ALDH9A1: variants seen among roughly 807,000 people sequenced by gnomAD.
The protein encoded by ALDH9A1 is aldehyde dehydrogenase 9 family member A1, also known as 4-trimethylaminobutyraldehyde dehydrogenase.
Under a neutral mutation model 56.6 loss-of-function variants are expected in ALDH9A1, and 42 were observed. The ratio of observed to expected loss-of-function variants is 0.74; its 90% CI spans 0.58 to 0.96. The LOEUF (loss-of-function observed/expected upper bound fraction) is 0.96, where lower values mean the gene tolerates loss of function less well. ALDH9A1 is among the 40% of genes least tolerant of loss of function. The pLI is 0.00. For synonymous variants in ALDH9A1, 242 were observed against 236.0 expected (o/e 1.03, Z -0.23); for missense variants, 661 against 651.5 (o/e 1.01, Z -0.16).
chr1:165,695,844 TTTTTG>T (rs1028047387), intron 1 of ALDH9A1, among the ~76,000 whole-genome samples: 1 of 151,516 alleles, frequency 6.6e-6, no homozygotes, highest in African/African-American at 2.4e-5. Context: ...CTAGCAGGTT[TTTTTG>T]TTTTGTTTTT....
intron 10 of ALDH9A1, among the ~76,000 whole-genome samples, chr1:165,664,136 A>T (rs1434688923): frequency 6.6e-6 from 1 of 152,200 alleles, no homozygotes; most frequent in Non-Finnish European, 1.5e-5. Flanking sequence ...TGAGTACCCC[A>T]CCGGGACAAA....
rs1648880197 is a variant in ALDH9A1, at chr1:165,662,709, CG to C, written c.*340del. ...AGCCAGGAACAAGTTCTTTGAAATA[CG>C]CCAGAGAATTAACATTATCAGTGGG... On this transcript the variant is annotated 3_prime_UTR_variant, in exon 11 of 11. Coordinates refer to ENST00000354775, the MANE Select transcript of ALDH9A1 (RefSeq NM_000696.4). 3 of 205,424 alleles carry C rather than the reference CG, an allele frequency of 1.5e-5. No individual in the cohort carries two copies. Among genetic ancestry groups the C allele is most frequent in the Non-Finnish European group, 3.0e-5 (3 of 101,632 alleles). 12.7% of individuals were successfully genotyped at this position (205,424 alleles called of 1,614,324 possible). A position where few individuals can be genotyped will look rare whatever the true frequency, so the allele number is the denominator to read the frequency against.
chr1:165,671,782 A>C lies in ALDH9A1; in HGVS notation c.931-2332T>G, dbSNP rs146277949. 4.7e-4 allele frequency: 126 copies of C among 268,012 alleles called. No homozygotes were observed. In the East Asian group the frequency reaches 0.012, roughly 26 times the overall value. 16.6% of individuals were successfully genotyped at this position (268,012 alleles called of 1,614,324 possible). A position where few individuals can be genotyped will look rare whatever the true frequency, so the allele number is the denominator to read the frequency against. On this transcript the variant is annotated intron_variant, in intron 6 of 10. Transcript: ENST00000354775. ...AATAATTGCTTAACTAACAAACAAA[A>C]AAAAAAGAATGCAACATTTCCTTTT...
At chr1:165,680,227 T>C (rs1253563489) in intron 5 of ALDH9A1, among the ~76,000 whole-genome samples, 1 of 127,238 alleles carries the variant, frequency 7.9e-6, no homozygotes, top group Non-Finnish European at 1.8e-5. Context: ...CCCTGTCCAC[T>C]AAGACACATC....
Position 165,683,047 on chromosome 1 carries a change from G to C in ALDH9A1, c.391C>G (p.Arg131Gly). ...TGCCAGGAAATGTCAATGTCCAAGC[G>C]GGCCTCAAAGATGGACTTGCCATTG... The part of the protein sequence containing the change: ...INNGKSIFEA[R>G]LDIDISWQCL... The change falls in exon 3 of 11, where the codon CGC becomes GGC. Residue 131 changes from arginine to glycine, a missense_variant. Physicochemically the swap from Arg to Gly is moderately radical, Grantham distance 125. Transcript: ENST00000354775. 1 of 1,613,988 alleles carries C rather than the reference G, an allele frequency of 6.2e-7. No individual in the cohort carries two copies. Among genetic ancestry groups the C allele is most frequent in the Non-Finnish European group, 8.5e-7 (1 of 1,179,960 alleles).
At chr1:165,689,632 C>G (rs1649822149) in intron 2 of ALDH9A1, among the ~76,000 whole-genome samples, 1 of 152,150 alleles carries the variant, frequency 6.6e-6, no homozygotes, top group African/African-American at 2.4e-5. Flanking sequence ...GTGACCGGTG[C>G]TTTGAAAACA....
Position 165,698,376 on chromosome 1 carries a change from A to G in ALDH9A1, c.181+2T>C, listed in dbSNP as rs866749315. On this transcript the variant is annotated splice_donor_variant, in intron 1 of 10. Transcript: ENST00000354775. LOFTEE classifies it high-confidence loss of function. ...CCAGCCTCCCCGGCTCGTTGCAGTT[A>G]CCGGTTGCTGGCTCGAAAGCTTTCT... The G allele has an allele frequency of 1.3e-6, 2 of 1,589,528 alleles. No homozygotes were observed. Among genetic ancestry groups the G allele is most frequent in the Non-Finnish European group, 1.7e-6 (2 of 1,170,126 alleles).
intron 4 of ALDH9A1, 117 bp from the exon 5 acceptor site, chr1:165,680,800 T>A (rs548752106): frequency 1.0e-6 from 1 of 968,680 alleles, no homozygotes; most frequent in Non-Finnish European, 1.5e-6. Flanking sequence ...CCCAACCAAA[T>A]CCTACATCAA....
chr1:165,662,810 T>G lies in ALDH9A1; in HGVS notation c.*240A>C. On this transcript the variant is annotated 3_prime_UTR_variant, in exon 11 of 11. Coordinates refer to ENST00000354775, the MANE Select transcript of ALDH9A1 (RefSeq NM_000696.4). Reference sequence around the variant, plus strand: ...AAGTATGTTACTGGCTCTTAAAAGATTTCACAAAAATACGCTTTGAGGAGA... The same window carrying G: ...AAGTATGTTACTGGCTCTTAAAAGAGTTCACAAAAATACGCTTTGAGGAGA... The G allele has an allele frequency of 2.0e-6, 1 of 492,166 alleles. No homozygotes were observed. Among genetic ancestry groups the G allele is most frequent in the East Asian group, 3.5e-5 (1 of 28,604 alleles). The allele number at this position is 492,166 out of a possible 1,614,324, so 30.5% of individuals were successfully genotyped here.
rs745429090 is a variant in ALDH9A1, at chr1:165,683,087, A to G, written c.351T>C (p.Thr117=). 1.5e-5 allele frequency: 25 copies of G among 1,613,994 alleles called. No homozygotes were observed. The highest frequency in any genetic ancestry group is 1.6e-4 in the Middle Eastern group (1 of 6,082). The change falls in exon 3 of 11, where the codon ACT becomes ACC. Residue 117 remains threonine, a synonymous_variant. Coordinates refer to ENST00000354775, the MANE Select transcript of ALDH9A1 (RefSeq NM_000696.4). ...ACTTGCCATTGTTGATGCACTCCAT[A>G]GTAGCAATTTCATCCTCCCGTTCCT... ...IIREREDEIA[T]MECINNGKSI... is the part of the protein sequence containing the mutation.
chr1:165,694,700 T>C (rs1650008711), intron 2 of ALDH9A1, among the ~76,000 whole-genome samples: 1 of 152,190 alleles, frequency 6.6e-6, no homozygotes, highest in African/African-American at 2.4e-5. Flanking sequence ...CTCACGCCTG[T>C]AATCCCAGCA....
intron 2 of ALDH9A1, among the ~76,000 whole-genome samples, chr1:165,695,038 T>A (rs1650025542): frequency 1.3e-5 from 2 of 151,834 alleles, no homozygotes; most frequent in South Asian, 4.2e-4. Context: ...TTTACAAACA[T>A]GAAAACCTGC....
chr1:165,695,446 T>G, intron 1 of ALDH9A1, 49 bp from the exon 2 acceptor site: 2 of 1,475,760 alleles, frequency 1.4e-6, no homozygotes, highest in Non-Finnish European at 1.8e-6. Flanking sequence ...TGCCACATAT[T>G]TAAATAAAAT....
At position 165,682,184 on chromosome 1, in the gene ALDH9A1, C is replaced by T. The variant is rs1021346010; in HGVS notation, c.515G>A (p.Gly172Glu). 5.6e-6 allele frequency: 9 copies of T among 1,613,984 alleles called. No homozygotes were observed. Among genetic ancestry groups the T allele is most frequent in the Non-Finnish European group, 7.6e-6 (9 of 1,179,898 alleles). ...SFGYTRREPL[G>E]VCVGIGAWNY... is the part of the protein sequence containing the mutation. ...CCATGCTCCTATTCCCACACATACC[C>T]CAAGTGGTTCTCTTCTGGTATAACC... Residue 172 changes from glycine to glutamate, a missense_variant, in exon 4 of 11, where the codon GGG (glycine) becomes GAG (glutamate). Transcript: ENST00000354775.
rs572409834 is a variant in ALDH9A1, at chr1:165,698,515, C to T, written c.44G>A (p.Arg15His). ...AGLAALSPLL[R>H]SLRPSPVAAM... ...GGCGACAGGAGAGGGCCGAAGACTG[C>T]GAAGAAGCGGGGAGAGCGCGGCCAG... is the stretch of plus-strand genomic sequence containing the variant. Residue 15 changes from arginine to histidine, a missense_variant, in exon 1 of 11, where the codon CGC (arginine) becomes CAC (histidine). By Grantham distance (29) the Arg-to-His change is conservative (BLOSUM62 0). Coordinates refer to ENST00000354775, the MANE Select transcript of ALDH9A1 (RefSeq NM_000696.4). 1.9e-6 allele frequency: 3 copies of T among 1,610,262 alleles called. No homozygotes were observed. Among genetic ancestry groups the T allele is most frequent in the Non-Finnish European group, 2.5e-6 (3 of 1,178,790 alleles).
intron 6 of ALDH9A1, among the ~76,000 whole-genome samples, chr1:165,672,755 G>A (rs773419485): frequency 4.0e-5 from 6 of 151,848 alleles, no homozygotes; most frequent in African/African-American, 9.7e-5. Context: ...TGGGCAACAT[G>A]GCGAAATCTC....
intron 6 of ALDH9A1, among the ~76,000 whole-genome samples, chr1:165,672,583 A>G (rs1649213576): frequency 6.6e-6 from 1 of 152,126 alleles, no homozygotes; most frequent in African/African-American, 2.4e-5. Flanking sequence ...AGAGATGAAT[A>G]ATGATGATAG....
At chr1:165,665,472 C>T (rs748246435) in intron 9 of ALDH9A1, among the ~76,000 whole-genome samples, 7 of 152,062 alleles carry the variant, frequency 4.6e-5, no homozygotes, top group South Asian at 4.1e-4. Flanking sequence ...TTAACTTAAA[C>T]GCATCACAGA....
chr1:165,698,133 G>T (rs1650153678), intron 1 of ALDH9A1: 2 of 1,095,654 alleles, frequency 1.8e-6, no homozygotes, highest in Non-Finnish European at 2.4e-6. Context: ...TTCTGGCCCG[G>T]GTAAAACAAC....
Sources: gnomAD v4.1 joint callset for allele counts (sites outside exome capture counted in the v4.1 genomes callset) on GRCh38, gnomAD v4.1.1 for gene constraint, MANE v1.5 for transcripts, NCBI Gene and HGNC (gene_info 2026-07-23, HGNC 2026-07-21) for gene names.